Variants in KLHDC10 observed in about 807,000 individuals in gnomAD.
KLHDC10 encodes the protein kelch domain containing 10.
KLHDC10 carries 24 observed loss-of-function variants against 56.1 expected under a neutral mutation model. The observed-to-expected ratio is 0.43, with a 90% CI of 0.31 to 0.60. The LOEUF (loss-of-function observed/expected upper bound fraction) is 0.60, where lower values mean the gene tolerates loss of function less well. KLHDC10 is among the 20% of genes least tolerant of loss of function. The pLI, the probability that KLHDC10 is intolerant of heterozygous loss-of-function variation, is 0.11. For missense variants in KLHDC10, 349 were observed against 567.0 expected (o/e 0.62, Z 3.91); for synonymous variants, 188 against 207.1 (o/e 0.91, Z 0.79).
At position 130,128,889 on chromosome 7, in the gene KLHDC10, A is replaced by AAAAT; in HGVS notation, c.980-547_980-546insAATA. On this transcript the variant is annotated intron_variant, in intron 8 of 9. Coordinates refer to ENST00000335420, the MANE Select transcript of KLHDC10 (RefSeq NM_014997.4). The stretch of plus-strand genomic sequence containing the variant: ...ACCTTGTCTCTTAAAAAAAAAAAAA[A>AAAAT]ATATATATATATATATATATATATA... Among the ~76,000 whole-genome samples the AAAAT allele has an allele frequency of 9.8e-3, 657 of 66,918 alleles. 14 individuals are homozygous for AAAAT. The highest frequency in any genetic ancestry group is 0.015 in the South Asian group (28 of 1,818). The allele number at this position is 66,918 out of a possible 152,430, so 43.9% of individuals were successfully genotyped here.
intron 1 of KLHDC10, among the ~76,000 whole-genome samples, chr7:130,086,165 C>T (rs1248311812): frequency 1.3e-5 from 2 of 152,048 alleles, no homozygotes; most frequent in Non-Finnish European, 2.9e-5. Flanking sequence ...ACTTTATTGA[C>T]CTTCTTTGCT....
chr7:130,133,935 T>C lies in KLHDC10; in HGVS notation c.*3189T>C, dbSNP rs1005136039. 1 of 152,234 alleles carries C rather than the reference T, an allele frequency of 6.6e-6. No homozygotes were observed. The highest frequency in any genetic ancestry group is 1.5e-5 in the Non-Finnish European group (1 of 68,040). The allele number at this position is 152,234 out of a possible 1,614,324, so 9.4% of individuals were successfully genotyped here. A position where few individuals can be genotyped will look rare whatever the true frequency, so the allele number is the denominator to read the frequency against. ...CCTTTCCATTGGCAGAATCTCCTTT[T>C]TTCAGGGCCATAATGACATGATGTA... On this transcript the variant is annotated 3_prime_UTR_variant, in exon 10 of 10. Transcript: ENST00000335420.
chr7:130,109,635 G>A (rs748630963), intron 2 of KLHDC10, among the ~76,000 whole-genome samples: 16 of 151,732 alleles, frequency 1.1e-4, no homozygotes, highest in Non-Finnish European at 2.4e-4. Context: ...TCCTAATAAT[G>A]TTCTTTTTGT....
intron 1 of KLHDC10, among the ~76,000 whole-genome samples, chr7:130,075,949 T>C (rs1028753773): frequency 6.6e-6 from 1 of 152,180 alleles, no homozygotes; most frequent in Admixed American, 6.5e-5. Flanking sequence ...CATTTTTCTA[T>C]TGGGATGGTT....
chr7:130,128,889 A>AT (rs1554468214), intron 8 of KLHDC10, among the ~76,000 whole-genome samples: 872 of 66,874 alleles, frequency 0.013, 8 homozygotes, highest in South Asian at 0.026. Context: ...AAAAAAAAAA[A>AT]ATATATATAT....
chr7:130,077,532 T>C (rs943599517), intron 1 of KLHDC10, among the ~76,000 whole-genome samples: 28 of 149,724 alleles, frequency 1.9e-4, no homozygotes, highest in Admixed American at 8.6e-4. Context: ...GGGTTTCTAC[T>C]ACTTTCTTTT....
At position 130,126,090 on chromosome 7, in the gene KLHDC10, G is replaced by A. The variant is rs1313593352; in HGVS notation, c.931+159G>A. Among the ~76,000 whole-genome samples, 4 of 152,172 alleles carry A rather than the reference G, an allele frequency of 2.6e-5. No homozygotes were observed. The East Asian group carries it at 5.8e-4, about 22-fold the overall frequency. On this transcript the variant is annotated intron_variant, in intron 7 of 9. Transcript: ENST00000335420. The stretch of plus-strand genomic sequence containing the variant: ...GCCTATAATCTCAGCACTTTGGGAG[G>A]CCAAGGCTTGAGCCCAGGAGTTTGA...
At chr7:130,122,243 A>G (rs775443261) in intron 5 of KLHDC10, 41 bp downstream of exon 5, 2 of 1,600,026 alleles carry the variant, frequency 1.2e-6, no homozygotes, top group East Asian at 2.2e-5. Flanking sequence ...CTTTCGTGCT[A>G]ACATTTGACC....
In KLHDC10 at chr7:130,130,223, A is replaced by G. The variant is rs991765235; in HGVS notation, c.1120-314A>G. Reference sequence around the variant, plus strand: ...TATTCCCAGCTACTCTGGAGGCTGAAGCAGGAGAATGGCGTGAACCCGGGA... The same window carrying G: ...TATTCCCAGCTACTCTGGAGGCTGAGGCAGGAGAATGGCGTGAACCCGGGA... On this transcript the variant is annotated intron_variant, in intron 9 of 9. Transcript: ENST00000335420. This position sits in a 1 kb window ranked among gnomAD's most constrained non-coding sequence, Gnocchi z 4.2. 3.3e-5 allele frequency among the ~76,000 whole-genome samples: 5 copies of G among 151,578 alleles called. No individual in the cohort carries two copies. Among genetic ancestry groups the G allele is most frequent in the Non-Finnish European group, 7.4e-5 (5 of 67,930 alleles).
In KLHDC10 at chr7:130,132,297, G is replaced by A. The variant is rs1220954437; in HGVS notation, c.*1551G>A. 1 of 152,092 alleles carries A rather than the reference G, an allele frequency of 6.6e-6. No homozygotes were observed. The highest frequency in any genetic ancestry group is 1.5e-5 in the Non-Finnish European group (1 of 68,016). 9.4% of individuals were successfully genotyped at this position (152,092 alleles called of 1,614,324 possible). A position where few individuals can be genotyped will look rare whatever the true frequency, so the allele number is the denominator to read the frequency against. On this transcript the variant is annotated 3_prime_UTR_variant, in exon 10 of 10. Transcript: ENST00000335420. ...CTTTAAGTGCCTCTTTTTTCACCTA[G>A]CTTTTAAAGTTATTCTTTGTCCTTC...
chr7:130,122,389 A>G (rs1584638761), intron 5 of KLHDC10, among the ~76,000 whole-genome samples, 187 bp downstream of exon 5: 1 of 152,188 alleles, frequency 6.6e-6, no homozygotes, highest in Admixed American at 6.5e-5. Context: ...TGAGGAAATA[A>G]TATTTCCTTC....
intron 8 of KLHDC10, among the ~76,000 whole-genome samples, chr7:130,128,875 T>TAAAAAAAAAAA (rs1164826285): frequency 4.5e-4 from 19 of 42,308 alleles, no homozygotes; most frequent in South Asian, 1.0e-3. Flanking sequence ...CCTTGTCTCT[T>TAAAAAAAAAAA]AAAAAAAAAA....
intron 2 of KLHDC10, among the ~76,000 whole-genome samples, chr7:130,098,384 A>G (rs1222851485): frequency 6.6e-6 from 1 of 152,062 alleles, no homozygotes; most frequent in Non-Finnish European, 1.5e-5. Context: ...TCGCAGCTAC[A>G]TGGGAGGCTG....
At chr7:130,124,194 A>G (rs567742097) in intron 5 of KLHDC10, among the ~76,000 whole-genome samples, 1 of 151,954 alleles carries the variant, frequency 6.6e-6, no homozygotes, top group Non-Finnish European at 1.5e-5. Context: ...TTTTAATGCA[A>G]TTGATTAAAA....
intron 4 of KLHDC10, among the ~76,000 whole-genome samples, chr7:130,121,243 T>C (rs4324873): frequency 0.34 from 52,189 of 152,024 alleles, 10,090 homozygotes; most frequent in East Asian, 0.43. Flanking sequence ...CACTATGGTC[T>C]GGGTCCTGGT....
intron 1 of KLHDC10, among the ~76,000 whole-genome samples, chr7:130,090,721 T>C (rs1795759624): frequency 6.6e-6 from 1 of 152,078 alleles, no homozygotes; most frequent in Non-Finnish European, 1.5e-5. Context: ...TTGACATTGA[T>C]ACAATCCAGT....
intron 2 of KLHDC10, among the ~76,000 whole-genome samples, chr7:130,097,434 A>G (rs1795864486): frequency 6.6e-6 from 1 of 152,174 alleles, no homozygotes; most frequent in South Asian, 2.1e-4. Flanking sequence ...AAGATAAAAA[A>G]GAGAATTATT....
intron 1 of KLHDC10, among the ~76,000 whole-genome samples, chr7:130,079,357 C>G (rs1795565952): frequency 6.6e-6 from 1 of 152,030 alleles, no homozygotes; most frequent in African/African-American, 2.4e-5. Flanking sequence ...CATGCCAGGC[C>G]TAAAGTATTT....
chr7:130,085,686 A>AT (rs1795678415), intron 1 of KLHDC10, among the ~76,000 whole-genome samples: 1 of 143,478 alleles, frequency 7.0e-6, no homozygotes, highest in Non-Finnish European at 1.5e-5. Flanking sequence ...AATACAAAAA[A>AT]CGCCGGGCGT....
Sources: allele counts gnomAD v4.1 joint callset (sites outside exome capture counted in the v4.1 genomes callset), GRCh38; gene constraint gnomAD v4.1.1; non-coding constraint Gnocchi (gnomAD v3.1); transcripts MANE v1.5; gene names NCBI Gene and HGNC (gene_info 2026-07-23, HGNC 2026-07-21).